ALS2: variants seen among roughly 807,000 people sequenced by gnomAD.
ALS2 encodes alsin.
A neutral mutation model predicts 203.4 loss-of-function variants in ALS2; 117 were observed. That is an observed-to-expected ratio of 0.58 (90% CI 0.50 to 0.67). The LOEUF (loss-of-function observed/expected upper bound fraction) is 0.67. ALS2 is among the 30% of genes least tolerant of loss of function. ALS2 has a pLI of 0.00. For missense variants in ALS2, 1,715 were observed against 1,989.4 expected, an observed-to-expected ratio of 0.86 and a Z score of 2.62; for synonymous variants, 718 against 725.9, an observed-to-expected ratio of 0.99 and a Z score of 0.17.
At position 201,761,114 on chromosome 2, in the gene ALS2, G is replaced by C. The variant is rs751445507; in HGVS notation, c.880C>G (p.Leu294Val). Residue 294 changes from leucine to valine, a missense_variant, in exon 4 of 34, where the codon CTT becomes GTT. This residue lies in a region of ALS2 where 476 missense variants were observed against 539.3 expected (regional missense o/e 0.88). Coordinates refer to ENST00000264276, the MANE Select transcript of ALS2 (RefSeq NM_020919.4). ...DRQEEVFENTLVANDQSVATE... is the reference protein window; with the variant it reads ...DRQEEVFENTVVANDQSVATE... ...GCAACAGACTGATCATTTGCTACAA[G>C]AGTGTTCTCAAATACTTCTTCCTGC... 1 of 1,614,216 alleles carries C rather than the reference G, an allele frequency of 6.2e-7. No individual in the cohort carries two copies. The highest frequency in any genetic ancestry group is 1.1e-5 in the South Asian group (1 of 91,086).
intron 7 of ALS2, among the ~76,000 whole-genome samples, chr2:201,751,488 T>C (rs539852325): frequency 6.6e-6 from 1 of 152,336 alleles, no homozygotes; most frequent in South Asian, 2.1e-4. Flanking sequence ...TTTCTACTTC[T>C]TTTATGACGA....
At chr2:201,739,237 A>C (rs1268863160) in intron 11 of ALS2, among the ~76,000 whole-genome samples, 1,319 of 71,220 alleles carry the variant, frequency 0.019, 8 homozygotes, top group African/African-American at 0.13. Context: ...CTGTCTCCCA[A>C]AAAAAAAAAA....
intron 13 of ALS2, among the ~76,000 whole-genome samples, chr2:201,732,307 A>C (rs957967903): frequency 2.6e-5 from 4 of 151,100 alleles, no homozygotes; most frequent in Non-Finnish European, 5.9e-5. Flanking sequence ...TAATCCTAGC[A>C]CTTTCGGAGG....
At chr2:201,776,829 T>C (rs1694681362) in intron 1 of ALS2, among the ~76,000 whole-genome samples, 1 of 152,218 alleles carries the variant, frequency 6.6e-6, no homozygotes, top group African/African-American at 2.4e-5. Context: ...ATAGTGCTAG[T>C]AGCAGGTTCT....
intron 7 of ALS2, among the ~76,000 whole-genome samples, 183 bp from the exon 8 acceptor site, chr2:201,749,972 A>G (rs544447688): frequency 2.0e-5 from 3 of 152,276 alleles, no homozygotes; most frequent in African/African-American, 7.2e-5. Flanking sequence ...ACCAGAGATA[A>G]TGCGCAAATA....
chr2:201,754,629 C>A lies in ALS2; in HGVS notation c.1514G>T (p.Arg505Met), dbSNP rs775726274. ...LLRKAARVKT[R>M]TVVLTPTYSG... ...GTATGTGGGGGTCAGAACCACTGTCCTCGTTTTCACCCGTGCAGCCTTTCT... is the reference window on the plus strand; with the variant it reads ...GTATGTGGGGGTCAGAACCACTGTCATCGTTTTCACCCGTGCAGCCTTTCT... The change falls in exon 6 of 34, where the codon AGG becomes ATG. Residue 505 changes from arginine to methionine, a missense_variant. By Grantham distance (91) the Arg-to-Met change is moderately conservative. Coordinates refer to ENST00000264276, the MANE Select transcript of ALS2 (RefSeq NM_020919.4). The A allele has an allele frequency of 6.2e-7, 1 of 1,614,146 alleles. No individual in the cohort carries two copies. The highest frequency in any genetic ancestry group is 8.5e-7 in the Non-Finnish European group (1 of 1,180,012).
chr2:201,704,040 A>C, intron 33 of ALS2, 82 bp downstream of exon 33: 1 of 1,229,164 alleles, frequency 8.1e-7, no homozygotes, highest in East Asian at 2.5e-5. Flanking sequence ...TTATACAAAA[A>C]AAGTGGTTAA....
In ALS2 at chr2:201,711,083, T is replaced by A; in HGVS notation, c.4030A>T (p.Thr1344Ser). The change falls in exon 26 of 34, where the codon ACT becomes TCT. Residue 1344 changes from threonine (T) to serine (S), a missense_variant. Thr to Ser is a moderately conservative substitution (Grantham distance 58). Around this residue, in one of 3 missense-constraint regions of ALS2, gnomAD observed 1,227 missense variants for 1,413.5 expected, o/e 0.87. Coordinates refer to ENST00000264276, the MANE Select transcript of ALS2 (RefSeq NM_020919.4). Reference sequence around the variant, plus strand: ...AATTCCAAACTCTCTAGTGTCTGAGTCTGTGAACGACTCAGTATTTCTGGA... The same window carrying A: ...AATTCCAAACTCTCTAGTGTCTGAGACTGTGAACGACTCAGTATTTCTGGA... Reference protein sequence around the residue: ...DSPEILSRSQTQTLESLEFIP... With the variant: ...DSPEILSRSQSQTLESLEFIP... 6.2e-7 allele frequency: 1 copy of A among 1,610,858 alleles called. No homozygotes were observed. The highest frequency in any genetic ancestry group is 8.5e-7 in the Non-Finnish European group (1 of 1,177,286).
At chr2:201,760,664 C>T in intron 4 of ALS2, 17 of 1,354,866 alleles carry the variant, frequency 1.3e-5, no homozygotes, top group Non-Finnish European at 1.6e-5. Context: ...CAACATGACA[C>T]CTTTCAATAT....
chr2:201,746,776 C>A, intron 8 of ALS2, 28 bp from the exon 9 acceptor site: 1 of 1,613,410 alleles, frequency 6.2e-7, no homozygotes, highest in Non-Finnish European at 8.5e-7. Flanking sequence ...TAGTGTCTGT[C>A]CAAGATAAAG....
chr2:201,760,019 T>G, intron 4 of ALS2: 1 of 981,800 alleles, frequency 1.0e-6, no homozygotes, highest in Non-Finnish European at 1.2e-6. Flanking sequence ...ATGAAAATAG[T>G]TTTAATAAGA....
At chr2:201,759,130 G>C (rs1392646359) in intron 4 of ALS2, among the ~76,000 whole-genome samples, 1 of 152,094 alleles carries the variant, frequency 6.6e-6, no homozygotes, top group Non-Finnish European at 1.5e-5. Context: ...TTAACCACTA[G>C]GTACAGCAAA....
At chr2:201,738,544 T>A in intron 12 of ALS2, 126 bp downstream of exon 12, 1 of 903,660 alleles carries the variant, frequency 1.1e-6, no homozygotes, top group Non-Finnish European at 1.8e-6. Context: ...TTACTGAAAG[T>A]TTATATTTTG....
At chr2:201,753,916 A>T (rs534675779) in intron 6 of ALS2, among the ~76,000 whole-genome samples, 1 of 152,102 alleles carries the variant, frequency 6.6e-6, no homozygotes, top group African/African-American at 2.4e-5. Flanking sequence ...TCTTATCCCA[A>T]CACCCCTTTC....
intron 21 of ALS2, 74 bp from the exon 22 acceptor site, chr2:201,723,515 GGA>G: frequency 7.9e-7 from 1 of 1,258,674 alleles, no homozygotes; most frequent in Non-Finnish European, 1.2e-6. Flanking sequence ...TTATCACATG[GGA>G]GATCCCAGGC....
At chr2:201,741,367 T>C in intron 11 of ALS2, 2 of 288,788 alleles carry the variant, frequency 6.9e-6, no homozygotes, top group South Asian at 7.7e-5. Context: ...TACAATTTAG[T>C]TAAGTAAACA....
At position 201,723,031 on chromosome 2, in the gene ALS2, C is replaced by G; in HGVS notation, c.3702+12G>C. Reference sequence around the variant, plus strand: ...TTATTAGGGAGAAAAAAAAAGAAAGCTAGTTTCCAACCTTTCCACTAAGAG... The same window carrying G: ...TTATTAGGGAGAAAAAAAAAGAAAGGTAGTTTCCAACCTTTCCACTAAGAG... On this transcript the variant is annotated intron_variant, in intron 23 of 33. Transcript: ENST00000264276. 1 of 1,581,810 alleles carries G rather than the reference C, an allele frequency of 6.3e-7. No homozygotes were observed.
At position 201,715,713 on chromosome 2, in the gene ALS2, A is replaced by G. The variant is rs1484049273; in HGVS notation, c.3963T>C (p.Ile1321=). The G allele has an allele frequency of 6.2e-7, 1 of 1,614,190 alleles. No individual in the cohort carries two copies. Among genetic ancestry groups the G allele is most frequent in the South Asian group, 1.1e-5 (1 of 91,088 alleles). The stretch of plus-strand genomic sequence containing the variant: ...GCCGACTGGTGGTCAAGGCCACAGC[A>G]ATATTGTCCCATGCTTTCCAAACTT... ...QGEVWKAWDN[I]AVALTTSRRQ... The change falls in exon 25 of 34, where the codon ATT becomes ATC. Residue 1321 remains isoleucine, a synonymous_variant. Transcript: ENST00000264276.
At chr2:201,722,909 G>A in intron 23 of ALS2, 134 bp downstream of exon 23, 1 of 708,100 alleles carries the variant, frequency 1.4e-6, no homozygotes, top group Non-Finnish European at 2.4e-6. Context: ...GTACAGCCAT[G>A]TTGACCAAAA....
Sources: allele counts gnomAD v4.1 joint callset (sites outside exome capture counted in the v4.1 genomes callset), GRCh38; gene constraint gnomAD v4.1.1; regional missense constraint gnomAD v4.1.1; transcripts MANE v1.5; gene names NCBI Gene and HGNC (gene_info 2026-07-23, HGNC 2026-07-21).